Variants in FBN3 observed in about 807,000 individuals in gnomAD.
The protein encoded by FBN3 is fibrillin-3.
Under a neutral mutation model 330.1 loss-of-function variants are expected in FBN3, and 234 were observed. That is an observed-to-expected ratio of 0.71 (90% CI 0.64 to 0.79). The LOEUF is 0.79. Among genes scored for constraint, FBN3 ranks in the 30% least tolerant of loss-of-function variants. The probability of loss-of-function intolerance (pLI) is 0.00; values close to 1 mark genes in which losing one functional copy is unlikely to be tolerated. For synonymous variants in FBN3, 1,458 were observed against 1,517.3 expected (o/e 0.96, Z 0.91); for missense variants, 3,606 against 3,886.9 (o/e 0.93, Z 1.92).
At chr19:8,130,329 C>A (rs1298266017) in intron 16 of FBN3, among the ~76,000 whole-genome samples, 1 of 134,932 alleles carries the variant, frequency 7.4e-6, no homozygotes, top group Non-Finnish European at 1.6e-5. Flanking sequence ...ATGGCAAAAT[C>A]TCATCTCTAC....
At position 8,121,339 on chromosome 19, in the gene FBN3, A is replaced by C. The variant is rs764851008; in HGVS notation, c.3130T>G (p.Cys1044Gly). The C allele has an allele frequency of 6.2e-7, 1 of 1,613,406 alleles. No individual in the cohort carries two copies. The highest frequency in any genetic ancestry group is 8.5e-7 in the Non-Finnish European group (1 of 1,179,630). The change falls in exon 25 of 64, where the codon TGT becomes GGT. Residue 1044 changes from cysteine to glycine, a missense_variant. Physicochemically the swap from Cys to Gly is radical, Grantham distance 159. Transcript: ENST00000600128. This position sits in a 1 kb window ranked among gnomAD's most constrained non-coding sequence, Gnocchi z 4.5. The stretch of plus-strand genomic sequence containing the variant: ...TCAAAGCTGCCCGGCGTGTTGACAC[A>C]GGTGCCCTGGCCGCAGAGGTCAGGA... ...ISPDLCGQGT[C>G]VNTPGSFECE...
intron 37 of FBN3, among the ~76,000 whole-genome samples, chr19:8,106,889 G>C (rs12984534): frequency 0.31 from 46,808 of 151,418 alleles, 7,761 homozygotes; most frequent in Middle Eastern, 0.41. Context: ...ATGGATGGGT[G>C]AATGGGGGAT....
chr19:8,087,356 G>T, intron 53 of FBN3, 145 bp from the exon 54 acceptor site: 1 of 922,370 alleles, frequency 1.1e-6, no homozygotes, highest in Non-Finnish European at 1.5e-6. Context: ...TAGGAAGGGA[G>T]CCCCCAGCTC....
At position 8,121,375 on chromosome 19, in the gene FBN3, AC is replaced by A; in HGVS notation, c.3093del (p.Glu1031AspfsTer35). ...CCGCAGAGGTCAGGAGAGATGCGAC[AC>A]TCGTCGATATCTGTGGGGAGAGGGG... ...AQERNCTDIDECRISPDLCGQ... is the reference protein window; with the variant it reads ...AQERNCTDIDXCRISPDLCGQ... On this transcript the variant is annotated frameshift_variant, in exon 25 of 64. Transcript: ENST00000600128. LOFTEE classifies it high-confidence loss of function. This position sits in a 1 kb window ranked among gnomAD's most constrained non-coding sequence, Gnocchi z 4.5. 1 of 1,599,862 alleles carries A rather than the reference AC, an allele frequency of 6.3e-7. No homozygotes were observed. Among genetic ancestry groups the A allele is most frequent in the Non-Finnish European group, 8.5e-7 (1 of 1,174,136 alleles).
At chr19:8,136,155 C>T (rs778168670) in intron 12 of FBN3, 35 bp downstream of exon 12, 1 of 1,605,558 alleles carries the variant, frequency 6.2e-7, no homozygotes, top group Non-Finnish European at 8.5e-7. Flanking sequence ...GAACCCCCAA[C>T]AACATCACCC....
intron 47 of FBN3, 59 bp downstream of exon 47, chr19:8,094,387 G>A: frequency 1.3e-6 from 2 of 1,553,920 alleles, no homozygotes; most frequent in Non-Finnish European, 1.7e-6. Flanking sequence ...CCCATTTTAT[G>A]GATGGAGAAA....
chr19:8,105,649 A>G (rs953309402), intron 38 of FBN3, among the ~76,000 whole-genome samples: 1 of 152,206 alleles, frequency 6.6e-6, no homozygotes, highest in Non-Finnish European at 1.5e-5. Flanking sequence ...AAGTATTCTT[A>G]GCTAGCAGGC....
rs143557675 is a variant in FBN3 at position 8,143,757 on chromosome 19, T to C, written c.541+1120A>G. On this transcript the variant is annotated intron_variant, in intron 6 of 63. Transcript: ENST00000600128. The stretch of plus-strand genomic sequence containing the variant: ...ATCTGCCCGCCTCGGCCTCCCAAAA[T>C]GCTAGAATTGCAGGCATGAGCCACA... 7.6e-3 allele frequency among the ~76,000 whole-genome samples: 1,075 copies of C among 140,756 alleles called. 8 individuals carry two copies. The highest frequency in any genetic ancestry group is 0.028 in the African/African-American group (1,013 of 36,260). 92.3% of individuals were successfully genotyped at this position (140,756 alleles called of 152,430 possible).
intron 61 of FBN3, 26 bp from the exon 62 acceptor site, chr19:8,073,323 G>A (rs2081567157): frequency 2.5e-6 from 4 of 1,593,334 alleles, no homozygotes; most frequent in African/African-American, 2.7e-5. Flanking sequence ...AGGAGGAGAG[G>A]GAGGACGCAG....
intron 41 of FBN3, among the ~76,000 whole-genome samples, chr19:8,099,562 G>A (rs1263914782): frequency 3.3e-5 from 5 of 151,354 alleles, no homozygotes; most frequent in Non-Finnish European, 7.4e-5. Flanking sequence ...TTACAGGTGT[G>A]AGCCACCACG....
intron 59 of FBN3, among the ~76,000 whole-genome samples, chr19:8,075,918 G>A (rs143049218): frequency 2.0e-5 from 3 of 152,270 alleles, no homozygotes; most frequent in East Asian, 1.9e-4. Flanking sequence ...TTGAATGTTC[G>A]TGTCTCTCCA....
intron 63 of FBN3, among the ~76,000 whole-genome samples, chr19:8,069,251 A>G (rs1413935335): frequency 6.6e-6 from 1 of 151,984 alleles, no homozygotes; most frequent in African/African-American, 2.4e-5. Flanking sequence ...TTCTTTATTT[A>G]AGCTCCTCTG....
Position 8,119,016 on chromosome 19 carries a change from T to C in FBN3, c.3218A>G (p.Asp1073Gly). ...FMLMKNCMDV[D>G]ECARDPLLCR... is the part of the protein sequence containing the mutation. ...GAGCAGCGGGTCCCTTGCACACTCG[T>C]CCACGTCTGAAGGTTTGTGTGGAAA... Residue 1073 changes from aspartate (D) to glycine (G), a missense_variant, in exon 26 of 64, where the codon GAC (aspartate) becomes GGC (glycine). By Grantham distance (94) the Asp-to-Gly change is moderately conservative (BLOSUM62 -1). Coordinates refer to ENST00000600128, the MANE Select transcript of FBN3 (RefSeq NM_032447.5). The C allele has an allele frequency of 6.3e-7, 1 of 1,598,736 alleles. No individual in the cohort carries two copies. Among genetic ancestry groups the C allele is most frequent in the Non-Finnish European group, 8.6e-7 (1 of 1,167,858 alleles).
At chr19:8,104,400 G>A (rs1339615226) in intron 38 of FBN3, among the ~76,000 whole-genome samples, 1 of 151,410 alleles carries the variant, frequency 6.6e-6, no homozygotes, top group Admixed American at 6.6e-5. Context: ...GAGTCCAGGA[G>A]GTCAAGACTA....
In FBN3 at chr19:8,108,188, T is replaced by C. The variant is rs1483536650; in HGVS notation, c.4669A>G (p.Ile1557Val). The C allele has an allele frequency of 5.6e-6, 9 of 1,612,698 alleles. No homozygotes were observed. Among genetic ancestry groups the C allele is most frequent in the South Asian group, 4.4e-5 (4 of 90,858 alleles). The part of the protein sequence containing the change: ...PGGEGFQPNR[I>V]TVILEDIDEC... ...AACTCACCTTCCAGAATGACAGTGATGCGGTTAGGCTGGAAGCCCTCACCA... is the reference window on the plus strand; with the variant it reads ...AACTCACCTTCCAGAATGACAGTGACGCGGTTAGGCTGGAAGCCCTCACCA... Residue 1557 changes from isoleucine (I) to valine (V), a missense_variant, in exon 37 of 64, where the codon ATC becomes GTC. Physicochemically the swap from Ile to Val is conservative, Grantham distance 29. Transcript: ENST00000600128.
rs1568428160 is a variant in FBN3 at position 8,123,532 on chromosome 19, G to GT, written c.3013dup (p.Thr1005AsnfsTer33). The GT allele has an allele frequency of 6.2e-7, 1 of 1,614,166 alleles. No individual in the cohort carries two copies. The highest frequency in any genetic ancestry group is 1.7e-5 in the Admixed American group (1 of 60,014). ...ACAGGCGCAGTGGAAGCTGCCCACC[G>GT]TGTTTCTGCAGGTACCGTGCGTGCA... On this transcript the variant is annotated frameshift_variant, in exon 24 of 64. Transcript: ENST00000600128. LOFTEE classifies it high-confidence loss of function.
chr19:8,110,159 G>T (rs56397782), intron 34 of FBN3, among the ~76,000 whole-genome samples: 18 of 152,142 alleles, frequency 1.2e-4, no homozygotes, highest in African/African-American at 4.1e-4. Context: ...GGGCTCAAGC[G>T]ATCCTTCTGC....
Position 8,072,034 on chromosome 19 carries a change from A to T in FBN3, c.8088+14T>A, listed in dbSNP as rs766497373. ...TTCCCTGGCCACCCCTGCCTAGTGC[A>T]GCACCCATGTCACCTGGTGGTCCCT... On this transcript the variant is annotated intron_variant, in intron 63 of 63. Transcript: ENST00000600128. 6.8e-6 allele frequency: 11 copies of T among 1,609,380 alleles called. No individual in the cohort carries two copies. The South Asian group carries it at 1.2e-4, about 18-fold the overall frequency.
At position 8,115,596 on chromosome 19, in the gene FBN3, C is replaced by A. The variant is rs371411051; in HGVS notation, c.3757G>T (p.Asp1253Tyr). The A allele has an allele frequency of 2.1e-5, 34 of 1,613,896 alleles. 1 individual carries two copies. In the African/African-American group the frequency reaches 4.5e-4, roughly 22 times the overall value. The change falls in exon 30 of 64, where the codon GAC becomes TAC. Residue 1253 changes from aspartate (D) to tyrosine (Y), a missense_variant. Asp to Tyr is a radical substitution (Grantham distance 160). Transcript: ENST00000600128. ...AAGGAACCCTTCGTGTTCTCGCAGT[C>A]CCCATGGAGGCAGATGTGAGGGTTC... ...DLNPHICLHG[D>Y]CENTKGSFVC...
Sources: allele counts gnomAD v4.1 joint callset (sites outside exome capture counted in the v4.1 genomes callset), GRCh38; gene constraint gnomAD v4.1.1; non-coding constraint Gnocchi (gnomAD v3.1); transcripts MANE v1.5; gene names NCBI Gene and HGNC (gene_info 2026-07-23, HGNC 2026-07-21).